GTF2F2: variants seen among roughly 807,000 people sequenced by gnomAD.
GTF2F2 encodes the protein general transcription factor IIF subunit 2, also known as ATP-dependent helicase GTF2F2.
Under a neutral mutation model 42.2 loss-of-function variants are expected in GTF2F2, and 23 were observed. The ratio of observed to expected loss-of-function variants is 0.55; its 90% CI spans 0.39 to 0.77. The LOEUF (loss-of-function observed/expected upper bound fraction) is 0.77, where lower values mean the gene tolerates loss of function less well. Ranked by LOEUF, GTF2F2 falls within the 30% of genes least tolerant of loss-of-function variation. The pLI is 0.00. For missense variants in GTF2F2, 261 were observed against 287.2 expected, an observed-to-expected ratio of 0.91 and a Z score of 0.66; for synonymous variants, 105 against 100.8, an observed-to-expected ratio of 1.04 and a Z score of -0.25.
At chr13:45,273,912 A>G (rs1257586194) in intron 7 of GTF2F2, among the ~76,000 whole-genome samples, 2 of 152,208 alleles carry the variant, frequency 1.3e-5, no homozygotes, top group Middle Eastern at 3.4e-3. Context: ...TGCCATCTCT[A>G]TGGAAATAAT....
chr13:45,227,036 G>A (rs1011263637), intron 5 of GTF2F2, among the ~76,000 whole-genome samples: 3 of 152,072 alleles, frequency 2.0e-5, no homozygotes, highest in African/African-American at 7.2e-5. Flanking sequence ...GAAGGTCAAG[G>A]CTGCAGTGAG....
At chr13:45,153,976 CAAAAAA>C (rs71070960) in intron 4 of GTF2F2, among the ~76,000 whole-genome samples, 1 of 71,492 alleles carries the variant, frequency 1.4e-5, no homozygotes, top group African/African-American at 5.5e-5. Context: ...GACTCAGTCT[CAAAAAA>C]AAAAAAAAAA....
intron 4 of GTF2F2, among the ~76,000 whole-genome samples, chr13:45,169,332 G>A (rs540005185): frequency 6.6e-6 from 1 of 152,304 alleles, no homozygotes; most frequent in African/African-American, 2.4e-5. Flanking sequence ...CACATGCACA[G>A]AGGAATGACC....
intron 1 of GTF2F2, among the ~76,000 whole-genome samples, chr13:45,129,069 T>C (rs560151233): frequency 7.0e-4 from 106 of 152,368 alleles, no homozygotes; most frequent in African/African-American, 2.4e-3. Flanking sequence ...ATCTGGTTAA[T>C]ATGTTGAAGA....
At chr13:45,261,562 C>T (rs569825168) in intron 6 of GTF2F2, among the ~76,000 whole-genome samples, 7 of 151,504 alleles carry the variant, frequency 4.6e-5, no homozygotes, top group Admixed American at 1.3e-4. Flanking sequence ...TAGTCAGTTG[C>T]GCAGTGATCT....
At chr13:45,132,142 A>G (rs758861802) in intron 1 of GTF2F2, among the ~76,000 whole-genome samples, 30 of 152,220 alleles carry the variant, frequency 2.0e-4, no homozygotes, top group Non-Finnish European at 4.0e-4. Context: ...TTAATTATCT[A>G]TTGGTATATA....
chr13:45,265,230 G>A (rs1194612942), intron 6 of GTF2F2, among the ~76,000 whole-genome samples: 1 of 151,362 alleles, frequency 6.6e-6, no homozygotes, highest in Non-Finnish European at 1.5e-5. Context: ...CTGCACTCCA[G>A]CCTGGGCAAT....
intron 5 of GTF2F2, among the ~76,000 whole-genome samples, chr13:45,215,843 G>C (rs1270638979): frequency 1.3e-5 from 2 of 151,968 alleles, no homozygotes; most frequent in Non-Finnish European, 2.9e-5. Context: ...TCTTTCCTCT[G>C]AAGAGCCATA....
intron 4 of GTF2F2, among the ~76,000 whole-genome samples, chr13:45,159,941 C>A (rs947966214): frequency 2.0e-5 from 3 of 152,130 alleles, no homozygotes; most frequent in African/African-American, 7.2e-5. Context: ...TTTCATTGAA[C>A]TTTTTTTCTT....
intron 4 of GTF2F2, among the ~76,000 whole-genome samples, chr13:45,198,708 GT>G (rs904167579): frequency 6.7e-6 from 1 of 150,028 alleles, no homozygotes; most frequent in Admixed American, 6.6e-5. Flanking sequence ...TTTTTTTTTT[GT>G]TTTTTTGTTT....
intron 5 of GTF2F2, among the ~76,000 whole-genome samples, chr13:45,224,182 T>C (rs1874235660): frequency 6.6e-6 from 1 of 152,070 alleles, no homozygotes; most frequent in Non-Finnish European, 1.5e-5. Context: ...GGCCCCAGAG[T>C]ATTATGCTTT....
At chr13:45,138,170 A>G (rs1435103851) in intron 2 of GTF2F2, among the ~76,000 whole-genome samples, 2 of 151,366 alleles carry the variant, frequency 1.3e-5, no homozygotes, top group Non-Finnish European at 2.9e-5. Context: ...GCCCCTTCTC[A>G]TCTTCTGTCT....
At chr13:45,232,582 C>G (rs1874739324) in intron 5 of GTF2F2, among the ~76,000 whole-genome samples, 1 of 152,134 alleles carries the variant, frequency 6.6e-6, no homozygotes, top group Non-Finnish European at 1.5e-5. Context: ...CTACAGTGAC[C>G]TATGATCACG....
chr13:45,127,550 A>G (rs1869088958), intron 1 of GTF2F2, among the ~76,000 whole-genome samples: 1 of 150,578 alleles, frequency 6.6e-6, no homozygotes, highest in African/African-American at 2.5e-5. Flanking sequence ...GCTGATCTCA[A>G]ATTCCTGGAC....
At chr13:45,276,462 G>A (rs1877040141) in intron 7 of GTF2F2, among the ~76,000 whole-genome samples, 1 of 148,684 alleles carries the variant, frequency 6.7e-6, no homozygotes, top group African/African-American at 2.5e-5. Flanking sequence ...TTGAGATGGA[G>A]TCTCGCTCTT....
chr13:45,131,027 C>T (rs572653066), intron 1 of GTF2F2, among the ~76,000 whole-genome samples: 84 of 151,608 alleles, frequency 5.5e-4, no homozygotes, highest in Admixed American at 2.3e-3. Flanking sequence ...CTGAGGTGGG[C>T]GGATCACCTG....
In GTF2F2 at chr13:45,257,594, T is replaced by C. The variant is rs568905375; in HGVS notation, c.486+4624T>C. On this transcript the variant is annotated intron_variant, in intron 6 of 7. Transcript: ENST00000340473. ...GAACATCAAATTTCCCCCCATTGTTTGAAGTAGTGAAAACAGACATTGGGA... is the reference window on the plus strand; with the variant it reads ...GAACATCAAATTTCCCCCCATTGTTCGAAGTAGTGAAAACAGACATTGGGA... Among the ~76,000 whole-genome samples, 3 of 152,286 alleles carry C rather than the reference T, an allele frequency of 2.0e-5. No homozygotes were observed. In the South Asian group the frequency reaches 6.2e-4, roughly 32 times the overall value.
At chr13:45,165,574 C>A (rs5016855) in intron 4 of GTF2F2, among the ~76,000 whole-genome samples, 5 of 149,156 alleles carry the variant, frequency 3.4e-5, no homozygotes, top group East Asian at 1.9e-4. Context: ...CTCGCCCCCC[C>A]CCGCCGCCCG....
At chr13:45,266,307 T>C (rs1408706143) in intron 6 of GTF2F2, among the ~76,000 whole-genome samples, 1 of 152,220 alleles carries the variant, frequency 6.6e-6, no homozygotes, top group Admixed American at 6.5e-5. Flanking sequence ...GAAAAATGGT[T>C]TGCTTGTGTC....
Sources: gnomAD v4.1 joint callset for allele counts (sites outside exome capture counted in the v4.1 genomes callset) on GRCh38, gnomAD v4.1.1 for gene constraint, MANE v1.5 for transcripts, NCBI Gene and HGNC (gene_info 2026-07-23, HGNC 2026-07-21) for gene names.